Variants in ATP8A2 observed in about 807,000 individuals in gnomAD.
The protein encoded by ATP8A2 is phospholipid-transporting ATPase IB.
ATP8A2 carries 100 observed loss-of-function variants against 165.6 expected under a neutral mutation model. The ratio of observed to expected loss-of-function variants is 0.60; its 90% CI spans 0.51 to 0.71. The LOEUF (loss-of-function observed/expected upper bound fraction) is 0.71. Ranked by LOEUF, ATP8A2 falls within the 30% of genes least tolerant of loss-of-function variation. The pLI is 0.00. For missense variants in ATP8A2, 1,227 were observed against 1,479.5 expected (o/e 0.83, Z 2.80); for synonymous variants, 543 against 548.8 (o/e 0.99, Z 0.15).
chr13:26,012,440 C>G (rs894955250), intron 35 of ATP8A2, 91 bp from the exon 36 acceptor site: 2 of 1,014,958 alleles, frequency 2.0e-6, no homozygotes, highest in African/African-American at 1.7e-5. Flanking sequence ...GGGAGGTGAT[C>G]CCCCACCTCA....
chr13:25,589,800 A>G (rs1420971850), intron 24 of ATP8A2, 101 bp downstream of exon 24: 1 of 720,082 alleles, frequency 1.4e-6, no homozygotes, highest in Admixed American at 2.6e-5. Context: ...GCTAAAAAAC[A>G]GTTATGAAAA....
chr13:25,793,865 A>G (rs577736129), intron 27 of ATP8A2, among the ~76,000 whole-genome samples: 232 of 152,244 alleles, frequency 1.5e-3, no homozygotes, highest in Non-Finnish European at 2.9e-3. Flanking sequence ...TTTTACTTTT[A>G]AAAACAATTC....
chr13:25,418,690 C>G (rs545703209), intron 1 of ATP8A2, among the ~76,000 whole-genome samples: 2 of 152,166 alleles, frequency 1.3e-5, no homozygotes, highest in Non-Finnish European at 2.9e-5. Context: ...ATTTGCATGT[C>G]TACAGACAAG....
Position 25,977,630 on chromosome 13 carries a change from CTGTTGT to C in ATP8A2, c.3377+8968_3377+8973del, listed in dbSNP as rs370018492. Among the ~76,000 whole-genome samples the C allele has an allele frequency of 3.0e-4, 46 of 152,118 alleles. 1 individual carries two copies. The highest frequency in any genetic ancestry group is 2.4e-3 in the Admixed American group (36 of 15,278). On this transcript the variant is annotated intron_variant, in intron 35 of 36. Transcript: ENST00000381655. Reference sequence around the variant, plus strand: ...TTTAGGAATGTTGAATTCCAAGAGCCTGTTGTTGTTGTTGTTGTTGTTATTGTTCTT... The same window carrying C: ...TTTAGGAATGTTGAATTCCAAGAGCCTGTTGTTGTTGTTGTTATTGTTCTT...
chr13:25,593,141 G>A lies in ATP8A2; in HGVS notation c.2211+3442G>A, dbSNP rs569467573. 1.1e-4 allele frequency among the ~76,000 whole-genome samples: 17 copies of A among 152,202 alleles called. 1 individual carries two copies. Among genetic ancestry groups the A allele is most frequent in the East Asian group, 7.7e-4 (4 of 5,174 alleles). On this transcript the variant is annotated intron_variant, in intron 24 of 36. Coordinates refer to ENST00000381655, the MANE Select transcript of ATP8A2 (RefSeq NM_016529.6). ...TGGTGGGGAGGGGGATAAAAGCAGCGTCCTAGCGCAATAAAGTAGATATAC... is the reference window on the plus strand; with the variant it reads ...TGGTGGGGAGGGGGATAAAAGCAGCATCCTAGCGCAATAAAGTAGATATAC...
chr13:25,845,985 G>C (rs1951852820), intron 30 of ATP8A2, among the ~76,000 whole-genome samples: 1 of 152,188 alleles, frequency 6.6e-6, no homozygotes, highest in Non-Finnish European at 1.5e-5. Context: ...AGACCAGCCT[G>C]ACCAACATGG....
At chr13:25,433,584 T>A (rs1051069717) in intron 1 of ATP8A2, among the ~76,000 whole-genome samples, 2 of 152,172 alleles carry the variant, frequency 1.3e-5, no homozygotes, top group Non-Finnish European at 1.5e-5. Context: ...TCAGGTCTGT[T>A]TTTCAAGTGC....
chr13:25,672,562 A>T (rs1178629103), intron 24 of ATP8A2, among the ~76,000 whole-genome samples: 1 of 152,046 alleles, frequency 6.6e-6, no homozygotes, highest in Non-Finnish European at 1.5e-5. Context: ...TTCTTTTTTT[A>T]AAAAAAGGAC....
In ATP8A2 at chr13:25,530,226, G is replaced by A. The variant is rs569658212; in HGVS notation, c.321+128G>A. Reference sequence around the variant, plus strand: ...AGTTTGTTTCCCTCCTCTAGTCATTGTTTGATAGAGTGAACAAGCCTGACT... The same window carrying A: ...AGTTTGTTTCCCTCCTCTAGTCATTATTTGATAGAGTGAACAAGCCTGACT... On this transcript the variant is annotated intron_variant, in intron 3 of 36. Coordinates refer to ENST00000381655, the MANE Select transcript of ATP8A2 (RefSeq NM_016529.6). 8 of 641,366 alleles carry A rather than the reference G, an allele frequency of 1.2e-5. No homozygotes were observed. The African/African-American group carries it at 1.5e-4, about 12-fold the overall frequency. The allele number at this position is 641,366 out of a possible 1,614,324, so 39.7% of individuals were successfully genotyped here.
At chr13:26,004,234 G>T (rs1218482935) in intron 35 of ATP8A2, among the ~76,000 whole-genome samples, 1 of 151,924 alleles carries the variant, frequency 6.6e-6, no homozygotes, top group Non-Finnish European at 1.5e-5. Flanking sequence ...TTTACCCCTT[G>T]ATTAAATTTA....
chr13:25,559,740 A>C lies in ATP8A2; in HGVS notation c.1372A>C (p.Arg458=), dbSNP rs1380142464. The C allele has an allele frequency of 2.5e-6, 4 of 1,613,466 alleles. No individual in the cohort carries two copies. Among genetic ancestry groups the C allele is most frequent in the Non-Finnish European group, 8.5e-7 (1 of 1,179,470 alleles). ...VTYGHFPELA[R]EPSSDDFCRM... is the part of the protein sequence containing the mutation. Reference sequence around the variant, plus strand: ...TGGCAGTCACTTCCCAGAATTGGCAAGAGAGCCGTCTTCAGATGACTTCTG... The same window carrying C: ...TGGCAGTCACTTCCCAGAATTGGCACGAGAGCCGTCTTCAGATGACTTCTG... Residue 458 remains arginine (R), a synonymous_variant, in exon 15 of 37, where the codon AGA becomes CGA. Transcript: ENST00000381655.
At chr13:25,459,315 T>G (rs2035445971) in intron 1 of ATP8A2, among the ~76,000 whole-genome samples, 1 of 152,134 alleles carries the variant, frequency 6.6e-6, no homozygotes, top group Non-Finnish European at 1.5e-5. Flanking sequence ...CCTTAGGAGG[T>G]GGGTCAGATT....
chr13:25,613,564 C>T (rs954483159), intron 24 of ATP8A2, among the ~76,000 whole-genome samples: 2 of 152,072 alleles, frequency 1.3e-5, no homozygotes, highest in East Asian at 1.9e-4. Context: ...CAGAGCAAGA[C>T]TCCATCTCAA....
chr13:25,650,281 A>G (rs1293235280), intron 24 of ATP8A2, among the ~76,000 whole-genome samples: 1 of 152,124 alleles, frequency 6.6e-6, no homozygotes, highest in Non-Finnish European at 1.5e-5. Context: ...GTCTGTGGAT[A>G]GTTGCTAGTT....
intron 32 of ATP8A2, among the ~76,000 whole-genome samples, chr13:25,861,672 G>A (rs1415463295): frequency 6.6e-6 from 1 of 152,206 alleles, no homozygotes; most frequent in Non-Finnish European, 1.5e-5. Context: ...GTGAGAAGTG[G>A]TCGGAGTCTG....
At chr13:25,813,382 TATATGATATGATATGATATG>T (rs57194469) in intron 27 of ATP8A2, among the ~76,000 whole-genome samples, 27 of 147,114 alleles carry the variant, frequency 1.8e-4, no homozygotes, top group African/African-American at 6.6e-4. Flanking sequence ...AGGATGATGA[TATATGATATGATATGATATG>T]ATATGATATG....
intron 36 of ATP8A2, among the ~76,000 whole-genome samples, chr13:26,017,848 T>TAC (rs2139374962): frequency 6.6e-6 from 1 of 152,316 alleles, no homozygotes; most frequent in Non-Finnish European, 1.5e-5. Flanking sequence ...CCTGCTCCTG[T>TAC]ACCCAGCTGT....
chr13:25,966,784 G>C (rs766909170), intron 34 of ATP8A2, among the ~76,000 whole-genome samples: 9 of 152,198 alleles, frequency 5.9e-5, no homozygotes, highest in Non-Finnish European at 1.3e-4. Context: ...GTTGGATTCT[G>C]ACCTAAGCTG....
At chr13:25,439,371 T>C (rs1030284102) in intron 1 of ATP8A2, among the ~76,000 whole-genome samples, 83 of 152,214 alleles carry the variant, frequency 5.5e-4, no homozygotes, top group African/African-American at 1.9e-3. Flanking sequence ...CTCCCGTAGA[T>C]CTCCATAAAT....
Sources: gnomAD v4.1 joint callset for allele counts (sites outside exome capture counted in the v4.1 genomes callset) on GRCh38, gnomAD v4.1.1 for gene constraint, MANE v1.5 for transcripts, NCBI Gene and HGNC (gene_info 2026-07-23, HGNC 2026-07-21) for gene names.